The following AKT3 variants were observed in gnomAD, a reference collection of about 807,000 sequenced individuals.
The protein encoded by AKT3 is AKT serine/threonine kinase 3, also known as RAC-gamma serine/threonine-protein kinase.
In AKT3, 15 loss-of-function variants were observed where a neutral mutation model predicts 65.3. That is an observed-to-expected ratio of 0.23 (90% CI 0.15 to 0.35). The LOEUF is 0.35. AKT3 is among the 10% of genes least tolerant of loss of function. The pLI, the probability that AKT3 is intolerant of heterozygous loss-of-function variation, is 1.00. For synonymous variants in AKT3, 206 were observed against 183.8 expected, an observed-to-expected ratio of 1.12 and a Z score of -0.98; for missense variants, 243 against 576.5, an observed-to-expected ratio of 0.42 and a Z score of 5.92.
At position 243,583,987 on chromosome 1, in the gene AKT3, G is replaced by A. The variant is rs116520921; in HGVS notation, c.697-10939C>T. ...AACTAAAATCAGAGCAGAATGGAACGAAATTAAGACCTAAAAATCCACATA... is the reference window on the plus strand; with the variant it reads ...AACTAAAATCAGAGCAGAATGGAACAAAATTAAGACCTAAAAATCCACATA... On this transcript the variant is annotated intron_variant, in intron 8 of 13. Transcript: ENST00000673466. 7.1e-3 allele frequency among the ~76,000 whole-genome samples: 1,077 copies of A among 152,074 alleles called. 9 individuals carry two copies. The highest frequency in any genetic ancestry group is 0.024 in the African/African-American group (1,011 of 41,506).
intron 10 of AKT3, among the ~76,000 whole-genome samples, chr1:243,560,198 T>A (rs1434467920): frequency 1.3e-5 from 2 of 152,140 alleles, no homozygotes; most frequent in African/African-American, 4.8e-5. Flanking sequence ...AAGCAGTTAT[T>A]TTCTTGCACA....
chr1:243,609,449 G>C (rs1022262788), intron 8 of AKT3, among the ~76,000 whole-genome samples: 3 of 151,980 alleles, frequency 2.0e-5, no homozygotes, highest in African/African-American at 7.3e-5. Flanking sequence ...CTTGAGGTCA[G>C]GAGTTCAAGA....
chr1:243,605,757 A>G lies in AKT3; in HGVS notation c.696+7914T>C, dbSNP rs149072875. Among the ~76,000 whole-genome samples, 434 of 152,342 alleles carry G rather than the reference A, an allele frequency of 2.8e-3. 2 individuals carry two copies. Among genetic ancestry groups the G allele is most frequent in the Middle Eastern group, 0.01 (3 of 294 alleles). ...CTCCAAATACAGTCATGCATTACTT[A>G]ACAACTGGGATATGGCCTGAGAAAC... On this transcript the variant is annotated intron_variant, in intron 8 of 13. Transcript: ENST00000673466.
chr1:243,682,931 G>A (rs1221323987), intron 3 of AKT3, among the ~76,000 whole-genome samples: 2 of 152,094 alleles, frequency 1.3e-5, no homozygotes, highest in Non-Finnish European at 2.9e-5. Flanking sequence ...TGTATTAATT[G>A]CAAAACTCCC....
rs979210949 is a variant in AKT3, at chr1:243,664,055, CA to C, written c.284+716del. On this transcript the variant is annotated intron_variant, in intron 4 of 13. Coordinates refer to ENST00000673466, the MANE Select transcript of AKT3 (RefSeq NM_005465.7). Reference sequence around the variant, plus strand: ...ATCCTTAGCAACTTAGTGCTCCAGACAGCCACTTACAACTAATTTAGAATGG... The same window carrying C: ...ATCCTTAGCAACTTAGTGCTCCAGACGCCACTTACAACTAATTTAGAATGG... Among the ~76,000 whole-genome samples the C allele has an allele frequency of 2.3e-4, 35 of 152,224 alleles. 1 individual carries two copies. Among genetic ancestry groups the C allele is most frequent in the Admixed American group, 1.6e-3 (25 of 15,282 alleles).
At chr1:243,554,100 A>G (rs1358984903) in intron 10 of AKT3, among the ~76,000 whole-genome samples, 1 of 152,198 alleles carries the variant, frequency 6.6e-6, no homozygotes. Context: ...TTTAAAATTT[A>G]CCAATAATCT....
chr1:243,577,825 C>CT (rs1675053108), intron 8 of AKT3, among the ~76,000 whole-genome samples: 1 of 151,902 alleles, frequency 6.6e-6, no homozygotes, highest in Admixed American at 6.6e-5. Context: ...CTACAAGGAA[C>CT]TTAAACAAAT....
intron 2 of AKT3, among the ~76,000 whole-genome samples, chr1:243,771,198 C>T (rs887723778): frequency 6.6e-6 from 1 of 152,134 alleles, no homozygotes; most frequent in African/African-American, 2.4e-5. Context: ...TTCCCAGAGT[C>T]CCTCAAATGC....
intron 4 of AKT3, among the ~76,000 whole-genome samples, chr1:243,652,704 C>G (rs1325935125): frequency 7.1e-6 from 1 of 141,440 alleles, no homozygotes; most frequent in African/African-American, 2.6e-5. Context: ...AGATCCATCT[C>G]TCATGCAAAG....
rs772959084 is a variant in AKT3, at chr1:243,572,883, T to A, written c.819+43A>T. Reference sequence around the variant, plus strand: ...AATTACTTTATGTTTGTCCCTATAGTCTCTGCAAAAACAAATTTTGATTAC... The same window carrying A: ...AATTACTTTATGTTTGTCCCTATAGACTCTGCAAAAACAAATTTTGATTAC... On this transcript the variant is annotated intron_variant, in intron 9 of 13. Coordinates refer to ENST00000673466, the MANE Select transcript of AKT3 (RefSeq NM_005465.7). 76 of 1,565,096 alleles carry A rather than the reference T, an allele frequency of 4.9e-5. No homozygotes were observed. The East Asian group carries it at 1.7e-3, about 35-fold the overall frequency.
At chr1:243,807,047 A>C (rs569724053) in intron 2 of AKT3, among the ~76,000 whole-genome samples, 1 of 152,310 alleles carries the variant, frequency 6.6e-6, no homozygotes, top group African/African-American at 2.4e-5. Context: ...TGAGAAAAAT[A>C]GGGAGCAGTT....
chr1:243,738,682 G>A (rs1687977760), intron 2 of AKT3, among the ~76,000 whole-genome samples: 1 of 152,050 alleles, frequency 6.6e-6, no homozygotes, highest in Non-Finnish European at 1.5e-5. Flanking sequence ...TAATGACACG[G>A]AAATAAAGAT....
chr1:243,645,300 C>A (rs375908037), intron 5 of AKT3, among the ~76,000 whole-genome samples: 1 of 152,068 alleles, frequency 6.6e-6, no homozygotes, highest in Non-Finnish European at 1.5e-5. Flanking sequence ...AAGGAAATTG[C>A]TTTTCAATTT....
intron 2 of AKT3, among the ~76,000 whole-genome samples, chr1:243,833,554 C>T (rs1292948034): frequency 6.6e-6 from 1 of 151,988 alleles, no homozygotes; most frequent in Admixed American, 6.6e-5. Flanking sequence ...GTAGGGATTA[C>T]AATTTTTAAG....
chr1:243,809,432 A>G (rs1357592179), intron 2 of AKT3, among the ~76,000 whole-genome samples: 1 of 152,236 alleles, frequency 6.6e-6, no homozygotes, highest in Non-Finnish European at 1.5e-5. Flanking sequence ...AAAAGAGACA[A>G]ACAAGGCCAT....
chr1:243,629,837 A>G (rs1327305230), intron 6 of AKT3, among the ~76,000 whole-genome samples: 1 of 152,146 alleles, frequency 6.6e-6, no homozygotes, highest in African/African-American at 2.4e-5. Context: ...AGCAATGCAG[A>G]CAGAGATGGG....
intron 2 of AKT3, among the ~76,000 whole-genome samples, chr1:243,752,962 G>C (rs78612581): frequency 0.016 from 2,396 of 152,238 alleles, 32 homozygotes; most frequent in Middle Eastern, 0.034. Context: ...TTTTGGCATA[G>C]TTTCTACCCC....
chr1:243,506,809 TG>T (rs976193072), intron 13 of AKT3, among the ~76,000 whole-genome samples: 2 of 152,216 alleles, frequency 1.3e-5, no homozygotes, highest in African/African-American at 4.8e-5. Context: ...TATTGAGATT[TG>T]GGGAAATCTC....
chr1:243,747,162 G>T (rs971187298), intron 2 of AKT3, among the ~76,000 whole-genome samples: 7 of 151,052 alleles, frequency 4.6e-5, no homozygotes, highest in Admixed American at 2.6e-4. Context: ...GAGTGTAGAT[G>T]GCTATTATCT....
Sources: allele counts gnomAD v4.1 joint callset (sites outside exome capture counted in the v4.1 genomes callset), GRCh38; gene constraint gnomAD v4.1.1; transcripts MANE v1.5; gene names NCBI Gene and HGNC (gene_info 2026-07-23, HGNC 2026-07-21).